PDXDC1: variants seen among roughly 807,000 people sequenced by gnomAD.
PDXDC1 encodes the protein pyridoxal dependent decarboxylase domain containing 1, also known as pyridoxal-dependent decarboxylase domain-containing protein 1.
Under a neutral mutation model 100.1 loss-of-function variants are expected in PDXDC1, and 42 were observed. The ratio of observed to expected loss-of-function variants is 0.42; its 90% CI spans 0.33 to 0.54. The LOEUF (loss-of-function observed/expected upper bound fraction) is 0.54, where lower values mean the gene tolerates loss of function less well. PDXDC1 is among the 20% of genes least tolerant of loss of function. The pLI is 0.10. For synonymous variants in PDXDC1, 260 were observed against 371.7 expected (o/e 0.70, Z 3.46); for missense variants, 636 against 979.2 (o/e 0.65, Z 4.68).
intron 21 of PDXDC1, among the ~76,000 whole-genome samples, chr16:15,034,995 G>A (rs968198079): frequency 3.3e-5 from 5 of 152,210 alleles, no homozygotes; most frequent in East Asian, 3.8e-4. Context: ...CGTTTCAGCC[G>A]CTGGAATGTG....
At chr16:15,137,535 C>G in intron 16 of PDXDC1, 3 of 1,138,916 alleles carry the variant, frequency 2.6e-6, no homozygotes, top group Non-Finnish European at 3.8e-6. Flanking sequence ...GCGACATACT[C>G]CTCACCTAGA....
chr16:15,088,247 G>C (rs2045986171), intron 16 of PDXDC1, among the ~76,000 whole-genome samples: 1 of 152,204 alleles, frequency 6.6e-6, no homozygotes, highest in Non-Finnish European at 1.5e-5. Context: ...GCCAAGGCAG[G>C]AGGAGACTGC....
chr16:15,055,380 G>C (rs1453870054), intron 16 of PDXDC1, among the ~76,000 whole-genome samples: 1 of 152,198 alleles, frequency 6.6e-6, no homozygotes, highest in Non-Finnish European at 1.5e-5. Context: ...CTACGCCCCG[G>C]GGGTAGGGGA....
intron 8 of PDXDC1, among the ~76,000 whole-genome samples, chr16:15,010,798 G>A (rs1204271383): frequency 6.6e-6 from 1 of 152,278 alleles, no homozygotes; most frequent in African/African-American, 2.4e-5. Flanking sequence ...TTACATACTA[G>A]CAAAGAAGAA....
chr16:14,984,425 A>T (rs1968775519), intron 1 of PDXDC1, among the ~76,000 whole-genome samples: 1 of 136,394 alleles, frequency 7.3e-6, no homozygotes, highest in Non-Finnish European at 1.5e-5. Context: ...TTTCCAAATC[A>T]CATAAAAGTG....
the PDXDC1 span, among the ~76,000 whole-genome samples, chr16:15,146,381 T>A: frequency 6.6e-6 from 1 of 152,188 alleles, no homozygotes; most frequent in Non-Finnish European, 1.5e-5. Flanking sequence ...GGGCGGGCAC[T>A]GAGCGGAACT....
At chr16:14,989,662 CGG>C in intron 1 of PDXDC1, 1 of 1,562,962 alleles carries the variant, frequency 6.4e-7, no homozygotes, top group Non-Finnish European at 8.6e-7. Flanking sequence ...CCGGGGCCGG[CGG>C]CCACGGGGCC....
intron 16 of PDXDC1, among the ~76,000 whole-genome samples, chr16:15,084,933 G>A (rs1233515104): frequency 1.3e-5 from 2 of 152,000 alleles, no homozygotes; most frequent in Non-Finnish European, 2.9e-5. Context: ...AGGCATGGTG[G>A]CAAATGCCTG....
chr16:15,083,494 C>T lies in PDXDC1; in HGVS notation c.1399+53438C>T, dbSNP rs772375912. ...ACAAACAACTTTTCCATGATGTTCT[C>T]AATGAAAAGATTTCTTACCAGTGTT... On this transcript the variant is annotated intron_variant, in intron 16 of 16. Transcript: ENST00000535621. 2.5e-6 allele frequency: 4 copies of T among 1,608,260 alleles called. No homozygotes were observed. In the African/African-American group the frequency reaches 5.4e-5, roughly 22 times the overall value.
intron 16 of PDXDC1, among the ~76,000 whole-genome samples, chr16:15,064,466 C>T (rs1383657650): frequency 1.3e-5 from 2 of 152,150 alleles, no homozygotes; most frequent in East Asian, 1.9e-4. Flanking sequence ...TGAGCCATTA[C>T]GCCCAGCCAA....
chr16:15,125,326 C>A, intron 16 of PDXDC1: 1 of 714,582 alleles, frequency 1.4e-6, no homozygotes, highest in East Asian at 2.7e-5. Flanking sequence ...GCACACCAGA[C>A]TGCAGGTGGC....
At chr16:15,019,406 A>C (rs566291428) in intron 12 of PDXDC1, among the ~76,000 whole-genome samples, 1 of 152,416 alleles carries the variant, frequency 6.6e-6, no homozygotes, top group African/African-American at 2.4e-5. Flanking sequence ...CTTGGGGACA[A>C]TTCTAATTCT....
At chr16:15,072,952 A>T in intron 16 of PDXDC1, 1 of 1,613,276 alleles carries the variant, frequency 6.2e-7, no homozygotes. Context: ...TTACTCACCA[A>T]TTTGAAACTA....
At chr16:15,012,400 C>T (rs1271203489) in intron 8 of PDXDC1, among the ~76,000 whole-genome samples, 5 of 152,264 alleles carry the variant, frequency 3.3e-5, no homozygotes, top group African/African-American at 7.2e-5. Flanking sequence ...CCACTGTGCC[C>T]GGCCCACAAT....
At chr16:15,133,024 C>G in intron 16 of PDXDC1, 1 of 1,166,512 alleles carries the variant, frequency 8.6e-7, no homozygotes, top group South Asian at 1.4e-5. Flanking sequence ...TCTTCATGGG[C>G]AAAACAGGGT....
chr16:15,063,351 C>A, intron 16 of PDXDC1: 1 of 1,173,290 alleles, frequency 8.5e-7, no homozygotes, highest in Non-Finnish European at 1.3e-6. Flanking sequence ...TGGTTTGGAT[C>A]TTTTCTCACA....
At position 15,038,153 on chromosome 16, in the gene PDXDC1, T is replaced by G. The variant is rs750673581; in HGVS notation, c.*1878T>G. The G allele has an allele frequency of 6.2e-7, 1 of 1,613,150 alleles. No individual in the cohort carries two copies. The highest frequency in any genetic ancestry group is 1.7e-5 in the Admixed American group (1 of 59,994). On this transcript the variant is annotated 3_prime_UTR_variant, in exon 23 of 23. Coordinates refer to ENST00000396410, the MANE Select transcript of PDXDC1 (RefSeq NM_015027.4). ...GGGTGTTTTTTTAAAAACATCAAGG[T>G]AGATCTAATATGTTCAACAAAGTGG... is the stretch of plus-strand genomic sequence containing the variant.
At chr16:15,143,446 C>G (rs1454380582), downstream of PDXDC1, among the ~76,000 whole-genome samples, 2 of 152,214 alleles carry the variant, frequency 1.3e-5, no homozygotes, top group Non-Finnish European at 2.9e-5. Flanking sequence ...GTGTCTCATG[C>G]TGCAGCGGGT....
At chr16:15,111,752 G>A (rs1442366269) in intron 16 of PDXDC1, among the ~76,000 whole-genome samples, 2 of 58,220 alleles carry the variant, frequency 3.4e-5, no homozygotes, top group African/African-American at 1.1e-4. Flanking sequence ...GTGAGACTCC[G>A]TCTCAAAAAA....
Sources: gnomAD v4.1 joint callset for allele counts (sites outside exome capture counted in the v4.1 genomes callset) on GRCh38, gnomAD v4.1.1 for gene constraint, MANE v1.5 for transcripts, NCBI Gene and HGNC (gene_info 2026-07-23, HGNC 2026-07-21) for gene names.